The following PITPNC1 variants were observed in gnomAD, a reference collection of about 807,000 sequenced individuals.
PITPNC1 encodes phosphatidylinositol transfer protein cytoplasmic 1.
PITPNC1 carries 18 observed loss-of-function variants against 44.7 expected under a neutral mutation model. The observed-to-expected ratio is 0.40, with a 90% CI of 0.28 to 0.60. The LOEUF (loss-of-function observed/expected upper bound fraction) is 0.60, where lower values mean the gene tolerates loss of function less well. Ranked by LOEUF, PITPNC1 falls within the 20% of genes least tolerant of loss-of-function variation. The probability of loss-of-function intolerance (pLI) is 0.39; values close to 1 mark genes in which losing one functional copy is unlikely to be tolerated. For synonymous variants in PITPNC1, 141 were observed against 149.6 expected (o/e 0.94, Z 0.42); for missense variants, 290 against 418.4 (o/e 0.69, Z 2.68).
rs145740290 is a variant in PITPNC1 at position 67,435,352 on chromosome 17, C to T, written c.48+57150C>T. Among the ~76,000 whole-genome samples the T allele has an allele frequency of 5.3e-4, 81 of 152,296 alleles. 1 individual carries two copies. The East Asian group carries it at 0.012, about 23-fold the overall frequency. On this transcript the variant is annotated intron_variant, in intron 1 of 8. Coordinates refer to ENST00000581322, the MANE Select transcript of PITPNC1 (RefSeq NM_012417.4). ...AACCTTCACTAAACGTGACACCCTCCGGGGCCATTGTAGGCATTTTTGTAC... is the reference window on the plus strand; with the variant it reads ...AACCTTCACTAAACGTGACACCCTCTGGGGCCATTGTAGGCATTTTTGTAC...
At position 67,695,489 on chromosome 17, in the gene PITPNC1, A is replaced by G. The variant is rs1422514958; in HGVS notation, c.*2601A>G. ...CATGATGGAAATTAGAAGAAAAAAA[A>G]AGCAGAAACTTGAATTTGCTAAGCA... On this transcript the variant is annotated 3_prime_UTR_variant, in exon 9 of 9. Coordinates refer to ENST00000581322, the MANE Select transcript of PITPNC1 (RefSeq NM_012417.4). 1 of 151,844 alleles carries G rather than the reference A, an allele frequency of 6.6e-6. No homozygotes were observed. The highest frequency in any genetic ancestry group is 2.4e-5 in the African/African-American group (1 of 41,368). The allele number at this position is 151,844 out of a possible 1,614,324, so 9.4% of individuals were successfully genotyped here.
At chr17:67,425,593 C>T (rs1351061453) in intron 1 of PITPNC1, among the ~76,000 whole-genome samples, 1 of 151,318 alleles carries the variant, frequency 6.6e-6, no homozygotes, top group Non-Finnish European at 1.5e-5. Context: ...GCAATCATGC[C>T]TCATTGCAAC....
intron 6 of PITPNC1, among the ~76,000 whole-genome samples, chr17:67,656,206 C>G (rs1470149674): frequency 6.6e-6 from 1 of 152,220 alleles, no homozygotes; most frequent in African/African-American, 2.4e-5. Context: ...GTCTGGACCT[C>G]ATCCCGAGGT....
At chr17:67,521,063 C>A (rs1432981992) in intron 1 of PITPNC1, among the ~76,000 whole-genome samples, 1 of 152,184 alleles carries the variant, frequency 6.6e-6, no homozygotes, top group Non-Finnish European at 1.5e-5. Flanking sequence ...CTCCTGTACT[C>A]AGTCAAGTAG....
At chr17:67,570,494 G>A (rs2041039122) in intron 4 of PITPNC1, among the ~76,000 whole-genome samples, 1 of 152,194 alleles carries the variant, frequency 6.6e-6, no homozygotes, top group Admixed American at 6.5e-5. Context: ...TCTTCATAGT[G>A]GAGGATCTGC....
chr17:67,627,274 C>G (rs551705311), intron 5 of PITPNC1, among the ~76,000 whole-genome samples: 16 of 152,162 alleles, frequency 1.1e-4, no homozygotes, highest in Non-Finnish European at 1.8e-4. Flanking sequence ...GAAATTAAAA[C>G]TCATCATCTC....
chr17:67,654,414 T>G (rs1465576444), intron 6 of PITPNC1, among the ~76,000 whole-genome samples: 1 of 152,184 alleles, frequency 6.6e-6, no homozygotes, highest in Non-Finnish European at 1.5e-5. Flanking sequence ...AATAAACTCA[T>G]AGTAATCCTA....
chr17:67,666,469 T>A (rs1440884389), intron 6 of PITPNC1, among the ~76,000 whole-genome samples: 1 of 152,146 alleles, frequency 6.6e-6, no homozygotes, highest in Non-Finnish European at 1.5e-5. Context: ...GAGGTGTGGC[T>A]TTGGGAGGCT....
At chr17:67,592,623 A>G (rs1340511197) in intron 5 of PITPNC1, among the ~76,000 whole-genome samples, 2 of 152,248 alleles carry the variant, frequency 1.3e-5, no homozygotes, top group African/African-American at 4.8e-5. Flanking sequence ...AAAGATAGAA[A>G]TAAACGTAAG....
intron 1 of PITPNC1, among the ~76,000 whole-genome samples, chr17:67,459,174 A>G (rs1017311998): frequency 2.9e-5 from 4 of 139,616 alleles, no homozygotes; most frequent in Non-Finnish European, 4.5e-5. Flanking sequence ...CTGGAGTGCA[A>G]TGGCTTGATC....
chr17:67,518,083 G>A (rs188902454), intron 1 of PITPNC1, among the ~76,000 whole-genome samples: 12 of 152,100 alleles, frequency 7.9e-5, no homozygotes, highest in Admixed American at 2.6e-4. Flanking sequence ...CATGCAATTC[G>A]TAAGTAAACG....
At chr17:67,550,344 G>A (rs1568036621) in intron 2 of PITPNC1, among the ~76,000 whole-genome samples, 1 of 152,008 alleles carries the variant, frequency 6.6e-6, no homozygotes, top group Non-Finnish European at 1.5e-5. Context: ...GATTAACAGC[G>A]CAGAGCTATG....
At chr17:67,526,503 A>G (rs1390196317) in intron 1 of PITPNC1, among the ~76,000 whole-genome samples, 1 of 152,000 alleles carries the variant, frequency 6.6e-6, no homozygotes, top group East Asian at 1.9e-4. Flanking sequence ...CTGAGGCGGG[A>G]GGATCACCTG....
chr17:67,672,435 C>T (rs1405220453), intron 7 of PITPNC1, among the ~76,000 whole-genome samples: 1 of 151,212 alleles, frequency 6.6e-6, no homozygotes, highest in African/African-American at 2.4e-5. Flanking sequence ...CTCATCTCTA[C>T]TAAAAATACA....
chr17:67,695,628 AT>A lies in PITPNC1; in HGVS notation c.*2741del, dbSNP rs1567788086. ...TGTGTATATATATATATATATATAT[AT>A]ATAAATATAAATATAGTATAGTGAA... On this transcript the variant is annotated 3_prime_UTR_variant, in exon 9 of 9. Transcript: ENST00000581322. 39 of 145,490 alleles carry A rather than the reference AT, an allele frequency of 2.7e-4. No homozygotes were observed. The highest frequency in any genetic ancestry group is 3.3e-4 in the Non-Finnish European group (22 of 66,332). The allele number at this position is 145,490 out of a possible 1,614,324, so 9.0% of individuals were successfully genotyped here. A position where few individuals can be genotyped will look rare whatever the true frequency, so the allele number is the denominator to read the frequency against.
At chr17:67,581,720 T>C (rs977332897) in intron 5 of PITPNC1, among the ~76,000 whole-genome samples, 2 of 152,126 alleles carry the variant, frequency 1.3e-5, no homozygotes, top group African/African-American at 4.8e-5. Context: ...AGATTCAAAG[T>C]TGGTCCCAGA....
chr17:67,409,991 G>A (rs553428213), intron 1 of PITPNC1, among the ~76,000 whole-genome samples: 4 of 152,276 alleles, frequency 2.6e-5, no homozygotes, highest in Admixed American at 1.3e-4. Flanking sequence ...ACGTGCGTGC[G>A]TGAGTTTCTC....
intron 1 of PITPNC1, among the ~76,000 whole-genome samples, chr17:67,446,707 C>T (rs772599864): frequency 2.0e-5 from 3 of 151,728 alleles, no homozygotes; most frequent in Non-Finnish European, 4.4e-5. Flanking sequence ...CTCTCTGGGT[C>T]CATTGAATGG....
intron 1 of PITPNC1, among the ~76,000 whole-genome samples, chr17:67,394,509 C>T (rs1265004390): frequency 1.3e-5 from 2 of 152,128 alleles, no homozygotes; most frequent in Non-Finnish European, 2.9e-5. Context: ...AGTGGCAGGA[C>T]CATTGTACTA....
Sources: gnomAD v4.1 joint callset for allele counts (sites outside exome capture counted in the v4.1 genomes callset) on GRCh38, gnomAD v4.1.1 for gene constraint, MANE v1.5 for transcripts, NCBI Gene and HGNC (gene_info 2026-07-23, HGNC 2026-07-21) for gene names.